The following PMFBP1 variants were observed in gnomAD, a reference collection of about 807,000 sequenced individuals.
PMFBP1 encodes polyamine-modulated factor 1-binding protein 1.
A neutral mutation model predicts 137.8 loss-of-function variants in PMFBP1; 131 were observed. The observed-to-expected ratio is 0.95, with a 90% CI of 0.82 to 1.10. The LOEUF is 1.10. PMFBP1 is among the 50% of genes least tolerant of loss of function. The pLI is 0.00. For missense variants in PMFBP1, 1,199 were observed against 1,175.4 expected (o/e 1.02, Z -0.29); for synonymous variants, 490 against 450.4 (o/e 1.09, Z -1.11).
At chr16:72,120,130 T>A (rs367961972) in intron 19 of PMFBP1, 41 bp from the exon 20 acceptor site, 5 of 1,613,472 alleles carry the variant, frequency 3.1e-6, no homozygotes, top group Non-Finnish European at 4.2e-6. Flanking sequence ...TTGGGGCTGC[T>A]GGCTCTGGTT....
upstream of PMFBP1, among the ~76,000 whole-genome samples, chr16:72,176,141 G>A (rs2043258807): frequency 6.6e-6 from 1 of 152,188 alleles, no homozygotes; most frequent in South Asian, 2.1e-4. Flanking sequence ...CAATGTCACT[G>A]ACTGAGCCAC....
chr16:72,161,856 A>G (rs1222908451), intron 3 of PMFBP1, among the ~76,000 whole-genome samples: 1 of 152,194 alleles, frequency 6.6e-6, no homozygotes, highest in Non-Finnish European at 1.5e-5. Flanking sequence ...ATTCAAAACG[A>G]TACTGTGTAA....
At chr16:72,122,813 T>G in intron 19 of PMFBP1, 101 bp downstream of exon 19, 1 of 1,117,586 alleles carries the variant, frequency 8.9e-7, no homozygotes, top group Non-Finnish European at 1.3e-6. Flanking sequence ...AGGCCTTTCC[T>G]GGGCTGATCC....
chr16:72,209,202 G>A, the PMFBP1 span, among the ~76,000 whole-genome samples: 3 of 152,190 alleles, frequency 2.0e-5, no homozygotes, highest in Non-Finnish European at 4.4e-5. Flanking sequence ...TCCAGAAAGC[G>A]ACATGCACAG....
the PMFBP1 span, among the ~76,000 whole-genome samples, chr16:72,238,177 T>C: frequency 1.3e-5 from 2 of 152,238 alleles, no homozygotes; most frequent in Admixed American, 6.5e-5. Flanking sequence ...AGTAATGGGA[T>C]TGCAAAGTTG....
chr16:72,204,969 T>C, the PMFBP1 span, among the ~76,000 whole-genome samples: 1 of 152,214 alleles, frequency 6.6e-6, no homozygotes, highest in Admixed American at 6.5e-5. Flanking sequence ...GGCTGCCATA[T>C]TGGAGAGTGC....
chr16:72,246,610 G>A, the PMFBP1 span, among the ~76,000 whole-genome samples: 3 of 151,910 alleles, frequency 2.0e-5, no homozygotes, highest in Non-Finnish European at 2.9e-5. Flanking sequence ...CATCTTTCAA[G>A]ATCTGGCCAC....
intron 10 of PMFBP1, among the ~76,000 whole-genome samples, chr16:72,132,211 C>T (rs1444613226): frequency 6.6e-6 from 1 of 152,106 alleles, no homozygotes; most frequent in African/African-American, 2.4e-5. Context: ...GCAACCATCA[C>T]CAATATTTAA....
chr16:72,208,833 G>A, the PMFBP1 span, among the ~76,000 whole-genome samples: 2 of 152,198 alleles, frequency 1.3e-5, no homozygotes, highest in African/African-American at 2.4e-5. Flanking sequence ...CAAAGAACCC[G>A]CAGTTGTGTC....
the PMFBP1 span, among the ~76,000 whole-genome samples, chr16:72,215,009 G>A: frequency 6.6e-6 from 1 of 152,278 alleles, no homozygotes; most frequent in Admixed American, 6.5e-5. Flanking sequence ...GGGTGAAAAA[G>A]ATTAGACATG....
chr16:72,158,703 T>C (rs1051885269), intron 3 of PMFBP1, among the ~76,000 whole-genome samples: 1 of 152,112 alleles, frequency 6.6e-6, no homozygotes, highest in Admixed American at 6.6e-5. Context: ...TCCAATAAAA[T>C]TCTTATCAGG....
At chr16:72,130,041 G>C (rs1597463025) in intron 12 of PMFBP1, among the ~76,000 whole-genome samples, 172 bp downstream of exon 12, 1 of 149,860 alleles carries the variant, frequency 6.7e-6, no homozygotes, top group Admixed American at 6.6e-5. Flanking sequence ...TTTTTTGTAA[G>C]GCAGGGTCTT....
the PMFBP1 span, among the ~76,000 whole-genome samples, chr16:72,232,403 G>T: frequency 6.6e-6 from 1 of 152,142 alleles, no homozygotes; most frequent in Non-Finnish European, 1.5e-5. Context: ...AACATCAGAA[G>T]GAAGATCTCA....
the PMFBP1 span, among the ~76,000 whole-genome samples, chr16:72,186,554 C>T: frequency 1.3e-5 from 2 of 152,002 alleles, no homozygotes; most frequent in Admixed American, 6.6e-5. Flanking sequence ...TGAAGGTTTT[C>T]GAGCTGGGGA....
At chr16:72,200,561 A>G in the PMFBP1 span, among the ~76,000 whole-genome samples, 3 of 152,352 alleles carry the variant, frequency 2.0e-5, no homozygotes, top group South Asian at 6.2e-4. Context: ...CAGAGGAAAG[A>G]TGGTGAGAGA....
chr16:72,218,532 C>T, the PMFBP1 span, among the ~76,000 whole-genome samples: 4 of 152,238 alleles, frequency 2.6e-5, no homozygotes, highest in African/African-American at 9.6e-5. Context: ...CCACCTGCCT[C>T]GGCCTCCCAA....
the PMFBP1 span, among the ~76,000 whole-genome samples, chr16:72,222,800 A>G: frequency 1.3e-5 from 2 of 152,134 alleles, no homozygotes; most frequent in Admixed American, 1.3e-4. Flanking sequence ...ATCCATGAGA[A>G]GCCCTTAGCA....
chr16:72,244,373 T>C, the PMFBP1 span, among the ~76,000 whole-genome samples: 4 of 152,224 alleles, frequency 2.6e-5, no homozygotes, highest in Admixed American at 2.0e-4. Flanking sequence ...TATGTGTAAG[T>C]GGGTTGTAAA....
intron 16 of PMFBP1, 146 bp downstream of exon 16, chr16:72,125,092 C>T: frequency 7.3e-7 from 1 of 1,375,744 alleles, no homozygotes; most frequent in South Asian, 1.4e-5. Context: ...ATCTTTGCTG[C>T]CTCTGTCTGA....
Sources: allele counts gnomAD v4.1 joint callset (sites outside exome capture counted in the v4.1 genomes callset), GRCh38; gene constraint gnomAD v4.1.1; transcripts MANE v1.5; gene names NCBI Gene and HGNC (gene_info 2026-07-23, HGNC 2026-07-21).